ZNF786: variants seen among roughly 807,000 people sequenced by gnomAD.
ZNF786 encodes zinc finger protein 786.
A neutral mutation model predicts 63.1 loss-of-function variants in ZNF786; 56 were observed. The ratio of observed to expected loss-of-function variants is 0.89; its 90% CI spans 0.72 to 1.11. The LOEUF is 1.11. Among genes scored for constraint, ZNF786 ranks in the 50% least tolerant of loss-of-function variants. The probability of loss-of-function intolerance (pLI) is 0.00; values close to 1 mark genes in which losing one functional copy is unlikely to be tolerated. For synonymous variants in ZNF786, 485 were observed against 406.9 expected (o/e 1.19, Z -2.31); for missense variants, 1,213 against 1,041.8 (o/e 1.16, Z -2.26).
rs536990075 is a variant in ZNF786, at chr7:149,072,212, T to A, written c.560A>T (p.His187Leu). Residue 187 changes from histidine (H) to leucine (L), a missense_variant, in exon 4 of 4, where the codon CAC (histidine) becomes CTC (leucine). Physicochemically the swap from His to Leu is moderately conservative, Grantham distance 99. Coordinates refer to ENST00000491431, the MANE Select transcript of ZNF786 (RefSeq NM_152411.4). Reference protein sequence around the residue: ...WDVPAWESTQHPWPVCGESCW... With the variant: ...WDVPAWESTQLPWPVCGESCW... ...GCTTTCCCCGCAGACAGGCCAAGGGTGCTGGGTGCTCTCCCAGGCGGGGAC... is the reference window on the plus strand; with the variant it reads ...GCTTTCCCCGCAGACAGGCCAAGGGAGCTGGGTGCTCTCCCAGGCGGGGAC... The A allele has an allele frequency of 6.2e-7, 1 of 1,613,502 alleles. No individual in the cohort carries two copies. The highest frequency in any genetic ancestry group is 1.1e-5 in the South Asian group (1 of 90,998).
At chr7:149,082,559 T>C (rs1330057452) in intron 1 of ZNF786, 1 of 899,250 alleles carries the variant, frequency 1.1e-6, no homozygotes, top group East Asian at 1.2e-4. Flanking sequence ...TTTATGGGTA[T>C]TAAAGTTTAT....
In ZNF786 at chr7:149,072,208, A is replaced by G. The variant is rs761023457; in HGVS notation, c.564T>C (p.Pro188=). ...DVPAWESTQH[P]WPVCGESCWE... The stretch of plus-strand genomic sequence containing the variant: ...AACAGCTTTCCCCGCAGACAGGCCA[A>G]GGGTGCTGGGTGCTCTCCCAGGCGG... Residue 188 remains proline (P), a synonymous_variant, in exon 4 of 4, where the codon CCT becomes CCC. Transcript: ENST00000491431. 4.3e-6 allele frequency: 7 copies of G among 1,613,490 alleles called. No individual in the cohort carries two copies. In the African/African-American group the frequency reaches 5.3e-5, roughly 12 times the overall value.
chr7:149,076,719 GA>G (rs71192749), intron 2 of ZNF786, among the ~76,000 whole-genome samples: 80,032 of 127,604 alleles, frequency 0.63, 24,486 homozygotes, highest in East Asian at 0.9. Context: ...ACTCCATCTT[GA>G]AAAAAAAAAA....
At chr7:149,073,231 A>G (rs1373833345) in intron 3 of ZNF786, among the ~76,000 whole-genome samples, 1 of 152,232 alleles carries the variant, frequency 6.6e-6, no homozygotes, top group Non-Finnish European at 1.5e-5. Flanking sequence ...ATTTCTTGAA[A>G]TGATGCTCCT....
Position 149,072,232 on chromosome 7 carries a change from G to A in ZNF786, c.540C>T (p.Pro180=), listed in dbSNP as rs374128975. 10 of 1,613,546 alleles carry A rather than the reference G, an allele frequency of 6.2e-6. No homozygotes were observed. The highest frequency in any genetic ancestry group is 4.4e-5 in the South Asian group (4 of 90,988). Reference sequence around the variant, plus strand: ...AAGGGTGCTGGGTGCTCTCCCAGGCGGGGACGTCCCACAAACCAGGAAGAT... The same window carrying A: ...AAGGGTGCTGGGTGCTCTCCCAGGCAGGGACGTCCCACAAACCAGGAAGAT... ...NLDLPGLWDV[P]AWESTQHPWP... The change falls in exon 4 of 4, where the codon CCC becomes CCT. Residue 180 remains proline (P), a synonymous_variant. Coordinates refer to ENST00000491431, the MANE Select transcript of ZNF786 (RefSeq NM_152411.4).
intron 3 of ZNF786, 26 bp from the exon 4 acceptor site, chr7:149,072,499 C>A (rs374292689): frequency 1.9e-6 from 3 of 1,540,824 alleles, no homozygotes; most frequent in African/African-American, 2.7e-5. Flanking sequence ...AAAATTCAGT[C>A]GGTATTCCTG....
intron 1 of ZNF786, among the ~76,000 whole-genome samples, chr7:149,084,091 T>C (rs1825692644): frequency 6.6e-6 from 1 of 152,162 alleles, no homozygotes; most frequent in Admixed American, 6.6e-5. Context: ...CTGGGCGCGG[T>C]GGCTCACGCC....
chr7:149,073,747 G>GTATATATATATA (rs57987134), intron 3 of ZNF786, among the ~76,000 whole-genome samples: 6 of 77,568 alleles, frequency 7.7e-5, no homozygotes, highest in Non-Finnish European at 1.3e-4. Context: ...GTGTGTGTGT[G>GTATATATATATA]TATATATATA....
In ZNF786 at chr7:149,070,501, G is replaced by C. The variant is rs1825381252; in HGVS notation, c.2271C>G (p.Ser757=). 3.7e-6 allele frequency: 6 copies of C among 1,613,962 alleles called. No individual in the cohort carries two copies. Among genetic ancestry groups the C allele is most frequent in the African/African-American group, 1.3e-5 (1 of 75,060 alleles). The part of the protein sequence containing the change: ...LAEHIRVHTK[S]CPAPNELDIK... Reference sequence around the variant, plus strand: ...TGTCCAGTTCATTTGGAGCAGGACAGGATTTTGTGTGTACTCTGATGTGCT... The same window carrying C: ...TGTCCAGTTCATTTGGAGCAGGACACGATTTTGTGTGTACTCTGATGTGCT... The change falls in exon 4 of 4, where the codon TCC becomes TCG. Residue 757 remains serine (S), a synonymous_variant. Transcript: ENST00000491431.
In ZNF786 at chr7:149,070,198, A is replaced by G. The variant is rs1825373604; in HGVS notation, c.*225T>C. 1 of 498,412 alleles carries G rather than the reference A, an allele frequency of 2.0e-6. No homozygotes were observed. The highest frequency in any genetic ancestry group is 3.8e-5 in the Admixed American group (1 of 26,494). The allele number at this position is 498,412 out of a possible 1,614,324, so 30.9% of individuals were successfully genotyped here. A position where few individuals can be genotyped will look rare whatever the true frequency, so the allele number is the denominator to read the frequency against. ...TGCACTCCAGCCTGGGTGACAGAGC[A>G]AAACTCCATCTTGGAAAAAAAAAAA... On this transcript the variant is annotated 3_prime_UTR_variant, in exon 4 of 4. Transcript: ENST00000491431.
In ZNF786 at chr7:149,071,318, T is replaced by C. The variant is rs370924182; in HGVS notation, c.1454A>G (p.Glu485Gly). The C allele has an allele frequency of 6.2e-6, 10 of 1,613,202 alleles. No homozygotes were observed. The Admixed American group carries it at 8.3e-5, about 13-fold the overall frequency. ...HTDEKPFQCP[E>G]CGLSFRLESM... ...CTCCAGGCGGAAGCTCAGCCCACAC[T>C]CTGGGCACTGAAAGGGCTTCTCGTC... Residue 485 changes from glutamate (E) to glycine (G), a missense_variant, in exon 4 of 4, where the codon GAG (glutamate) becomes GGG (glycine). Coordinates refer to ENST00000491431, the MANE Select transcript of ZNF786 (RefSeq NM_152411.4).
intron 2 of ZNF786, among the ~76,000 whole-genome samples, chr7:149,077,653 A>C (rs1825579134): frequency 6.6e-6 from 1 of 150,828 alleles, no homozygotes; most frequent in African/African-American, 2.4e-5. Context: ...AATAAATAAA[A>C]GAAGATGGGT....
chr7:149,078,267 A>G (rs1428231277), intron 2 of ZNF786, among the ~76,000 whole-genome samples: 2 of 152,232 alleles, frequency 1.3e-5, no homozygotes, highest in African/African-American at 4.8e-5. Flanking sequence ...GGTTAATGGC[A>G]TAGAATTATA....
At chr7:149,079,286 G>A (rs1205052368) in intron 2 of ZNF786, among the ~76,000 whole-genome samples, 1 of 151,860 alleles carries the variant, frequency 6.6e-6, no homozygotes, top group African/African-American at 2.4e-5. Context: ...GTGGGCGCCT[G>A]TAGTCCCAGC....
At position 149,083,287 on chromosome 7, in the gene ZNF786, C is replaced by T. The variant is rs189436071; in HGVS notation, c.19-2570G>A. Among the ~76,000 whole-genome samples, 14 of 152,008 alleles carry T rather than the reference C, an allele frequency of 9.2e-5. No homozygotes were observed. In the East Asian group the frequency reaches 2.5e-3, roughly 27 times the overall value. ...TTGGAGTAAAGTGGCACGATCTCAG[C>T]TCACTGCAACCTCCACCCACCAGGG... On this transcript the variant is annotated intron_variant, in intron 1 of 3. Coordinates refer to ENST00000491431, the MANE Select transcript of ZNF786 (RefSeq NM_152411.4).
In ZNF786 at chr7:149,072,227, C is replaced by T; in HGVS notation, c.545G>A (p.Trp182Ter). The change falls in exon 4 of 4, where the codon TGG becomes TAG. Residue 182 changes from tryptophan (W) to a stop codon, truncating the protein, a stop_gained. Coordinates refer to ENST00000491431, the MANE Select transcript of ZNF786 (RefSeq NM_152411.4). LOFTEE classifies it high-confidence loss of function. ...DLPGLWDVPA[W>*]ESTQHPWPVC... ...AGGCCAAGGGTGCTGGGTGCTCTCC[C>T]AGGCGGGGACGTCCCACAAACCAGG... The T allele has an allele frequency of 1.2e-6, 2 of 1,613,576 alleles. No individual in the cohort carries two copies. The highest frequency in any genetic ancestry group is 1.7e-6 in the Non-Finnish European group (2 of 1,179,774).
intron 2 of ZNF786, among the ~76,000 whole-genome samples, chr7:149,078,652 C>G (rs1281121263): frequency 6.6e-6 from 1 of 151,892 alleles, no homozygotes; most frequent in East Asian, 1.9e-4. Flanking sequence ...CCATTGCACT[C>G]CAGCCTGGGC....
chr7:149,090,598 C>T, intron 1 of ZNF786, 25 bp downstream of exon 1: 1 of 1,568,306 alleles, frequency 6.4e-7, no homozygotes, highest in Non-Finnish European at 8.7e-7. Context: ...CGAAACCGGG[C>T]GTCCAAACAG....
chr7:149,086,500 G>C (rs181879684), intron 1 of ZNF786, among the ~76,000 whole-genome samples: 1 of 151,978 alleles, frequency 6.6e-6, no homozygotes. Context: ...TGGTGGCAGG[G>C]GCCTGTAATC....
Sources: allele counts gnomAD v4.1 joint callset (sites outside exome capture counted in the v4.1 genomes callset), GRCh38; gene constraint gnomAD v4.1.1; transcripts MANE v1.5; gene names NCBI Gene and HGNC (gene_info 2026-07-23, HGNC 2026-07-21).